ARHGAP19: variants seen among roughly 807,000 people sequenced by gnomAD.
ARHGAP19 encodes rho GTPase-activating protein 19.
A neutral mutation model predicts 60.9 loss-of-function variants in ARHGAP19; 48 were observed. The ratio of observed to expected loss-of-function variants is 0.79; its 90% confidence interval spans 0.62 to 1.00. ARHGAP19 has a LOEUF of 1.00. ARHGAP19 is among the 50% of genes least tolerant of loss of function. The pLI is 0.00. For synonymous variants in ARHGAP19, 209 were observed against 215.5 expected (o/e 0.97, Z 0.27); for missense variants, 562 against 597.2 (o/e 0.94, Z 0.61).
At chr10:97,264,692 G>T in intron 3 of ARHGAP19, 134 bp downstream of exon 3, 1 of 598,170 alleles carries the variant, frequency 1.7e-6, no homozygotes. Flanking sequence ...TTAAAAACAT[G>T]CCACCCAAAA....
intron 4 of ARHGAP19, among the ~76,000 whole-genome samples, chr10:97,262,500 A>T (rs1842844028): frequency 6.6e-6 from 1 of 152,106 alleles, no homozygotes; most frequent in African/African-American, 2.4e-5. Flanking sequence ...TCCCGTCTCT[A>T]CTAAAAATAC....
intron 11 of ARHGAP19, among the ~76,000 whole-genome samples, chr10:97,228,483 G>A (rs1302147463): frequency 1.3e-5 from 2 of 152,194 alleles, no homozygotes; most frequent in African/African-American, 4.8e-5. Flanking sequence ...TTTCAGAGGA[G>A]AAAACTTGAA....
rs551682495 is a variant in ARHGAP19, at chr10:97,266,349, T to C, written c.57-224A>G. On this transcript the variant is annotated intron_variant, in intron 1 of 11. Transcript: ENST00000358531. Reference sequence around the variant, plus strand: ...CATAAAACAGTAATTAATTCAGCTTTTCCCATGTCCACAAATAGGTTTTAC... The same window carrying C: ...CATAAAACAGTAATTAATTCAGCTTCTCCCATGTCCACAAATAGGTTTTAC... 2.6e-5 allele frequency among the ~76,000 whole-genome samples: 4 copies of C among 152,292 alleles called. No individual in the cohort carries two copies. The East Asian group carries it at 7.7e-4, about 29-fold the overall frequency.
intron 9 of ARHGAP19, among the ~76,000 whole-genome samples, chr10:97,230,838 G>A (rs1261019954): frequency 6.6e-6 from 1 of 152,074 alleles, no homozygotes; most frequent in Non-Finnish European, 1.5e-5. Flanking sequence ...CGCTGAGGCG[G>A]GTGAATCGCT....
intron 1 of ARHGAP19, among the ~76,000 whole-genome samples, chr10:97,267,332 G>C (rs1335158176): frequency 6.6e-6 from 1 of 152,230 alleles, no homozygotes; most frequent in Non-Finnish European, 1.5e-5. Context: ...GTCTTGGGCA[G>C]CTCTGTCCCT....
chr10:97,251,012 G>T (rs937039817), intron 6 of ARHGAP19, among the ~76,000 whole-genome samples: 11 of 150,470 alleles, frequency 7.3e-5, no homozygotes, highest in Non-Finnish European at 4.4e-5. Flanking sequence ...GCAGTGAGCA[G>T]ATAGCACTAC....
At position 97,234,418 on chromosome 10, in the gene ARHGAP19, A is replaced by T. The variant is rs11594096; in HGVS notation, c.1284+799T>A. Among the ~76,000 whole-genome samples, 11 of 14,622 alleles carry T rather than the reference A, an allele frequency of 7.5e-4. No homozygotes were observed. In the Non-Finnish European group the frequency reaches 0.021, roughly 28 times the overall value. The allele number at this position is 14,622 out of a possible 152,430, so 9.6% of individuals were successfully genotyped here. ...ACATGTACCCAGAAATAAAAATTAA[A>T]AAAAAAAAAAAAAAAAAAAGATACT... On this transcript the variant is annotated intron_variant, in intron 9 of 11. Transcript: ENST00000358531.
chr10:97,251,384 A>G (rs1465124582), intron 6 of ARHGAP19, among the ~76,000 whole-genome samples: 1 of 8,972 alleles, frequency 1.1e-4, no homozygotes, highest in Non-Finnish European at 2.4e-4. Flanking sequence ...AATGGAAGGG[A>G]AGGGGAAGGG....
At chr10:97,284,575 G>A (rs140333330) in intron 1 of ARHGAP19, among the ~76,000 whole-genome samples, 209 of 152,188 alleles carry the variant, frequency 1.4e-3, no homozygotes, top group African/African-American at 4.7e-3. Flanking sequence ...GCATACTCAC[G>A]GTTCAGTGCA....
At chr10:97,273,678 A>C (rs1170709394) in intron 1 of ARHGAP19, among the ~76,000 whole-genome samples, 2 of 151,338 alleles carry the variant, frequency 1.3e-5, no homozygotes, top group Non-Finnish European at 2.9e-5. Flanking sequence ...TAGTAGAGAC[A>C]GGGTTTCACC....
intron 8 of ARHGAP19, among the ~76,000 whole-genome samples, chr10:97,239,550 GGGTGTGTGTGT>G (rs1564713484): frequency 0.32 from 36,848 of 113,878 alleles, 6,224 homozygotes; most frequent in Non-Finnish European, 0.4. Context: ...GAGAGAGAGA[GGGTGTGTGTGT>G]GTGTGTGTGT....
intron 1 of ARHGAP19, among the ~76,000 whole-genome samples, chr10:97,285,519 CTTTTTTTTT>C (rs1245251335): frequency 9.0e-6 from 1 of 110,950 alleles, no homozygotes; most frequent in East Asian, 2.8e-4. Flanking sequence ...TTTTTTTTTG[CTTTTTTTTT>C]TTTTTTTTTG....
Position 97,222,927 on chromosome 10 carries a change from G to A in ARHGAP19, c.*3195C>T, listed in dbSNP as rs897099784. 11 of 152,142 alleles carry A rather than the reference G, an allele frequency of 7.2e-5. No homozygotes were observed. Among genetic ancestry groups the A allele is most frequent in the Admixed American group, 2.6e-4 (4 of 15,262 alleles). The allele number at this position is 152,142 out of a possible 1,614,324, so 9.4% of individuals were successfully genotyped here. On this transcript the variant is annotated 3_prime_UTR_variant, in exon 12 of 12. Coordinates refer to ENST00000358531, the MANE Select transcript of ARHGAP19 (RefSeq NM_032900.6). ...CCTGGTTGCATGGCCAGTCACTGTG[G>A]GGCACGTTCCCAGTGACCACAGGTT... is the stretch of plus-strand genomic sequence containing the variant.
At chr10:97,238,607 T>C (rs1195138865) in intron 8 of ARHGAP19, among the ~76,000 whole-genome samples, 2 of 152,190 alleles carry the variant, frequency 1.3e-5, no homozygotes, top group Admixed American at 6.5e-5. Context: ...ATAAAGATAT[T>C]CAGAAAATAT....
At chr10:97,256,266 C>T in intron 6 of ARHGAP19, 52 bp downstream of exon 6, 1 of 1,392,918 alleles carries the variant, frequency 7.2e-7, no homozygotes, top group Non-Finnish European at 1.0e-6. Flanking sequence ...AGGATCCCAC[C>T]TTGCTCCATT....
rs756739694 is a variant in ARHGAP19, at chr10:97,256,452, G to A, written c.841-48C>T. ...AACAATGGACATTAAGAGCTAGAAA[G>A]TAGTACTTACCAATAAGCCTGTTCT... On this transcript the variant is annotated intron_variant, in intron 5 of 11. Transcript: ENST00000358531. 27 of 1,332,828 alleles carry A rather than the reference G, an allele frequency of 2.0e-5. No individual in the cohort carries two copies. The African/African-American group carries it at 2.7e-4, about 14-fold the overall frequency. The allele number at this position is 1,332,828 out of a possible 1,614,324, so 82.6% of individuals were successfully genotyped here. A position where few individuals can be genotyped will look rare whatever the true frequency, so the allele number is the denominator to read the frequency against.
At chr10:97,270,625 G>T (rs1347317510) in intron 1 of ARHGAP19, 1 of 1,548,722 alleles carries the variant, frequency 6.5e-7, no homozygotes, top group African/African-American at 1.4e-5. Flanking sequence ...GAAAGTTTCT[G>T]ATGAGGCATT....
intron 8 of ARHGAP19, among the ~76,000 whole-genome samples, chr10:97,242,310 T>C (rs1842497860): frequency 6.8e-6 from 1 of 147,690 alleles, no homozygotes; most frequent in Admixed American, 6.7e-5. Flanking sequence ...TTTTTATCTT[T>C]AAGTATCAGT....
At chr10:97,290,767 C>T (rs73326858) in intron 1 of ARHGAP19, among the ~76,000 whole-genome samples, 3,949 of 152,208 alleles carry the variant, frequency 0.026, 149 homozygotes, top group African/African-American at 0.09. Flanking sequence ...ACCGCGGACC[C>T]CTGGAACAGC....
Sources: allele counts gnomAD v4.1 joint callset (sites outside exome capture counted in the v4.1 genomes callset), GRCh38; gene constraint gnomAD v4.1.1; transcripts MANE v1.5; gene names NCBI Gene and HGNC (gene_info 2026-07-23, HGNC 2026-07-21).